The following PRDX5 variants were observed in gnomAD, a reference collection of about 807,000 sequenced individuals.
PRDX5 encodes peroxiredoxin 5.
Under a neutral mutation model 23.8 loss-of-function variants are expected in PRDX5, and 21 were observed. The observed-to-expected ratio is 0.88, with a 90% CI of 0.63 to 1.27. The LOEUF is 1.27. Ranked by LOEUF, PRDX5 falls within the 50% of genes most tolerant of loss-of-function variation. The pLI is 0.00. For missense variants in PRDX5, 261 were observed against 270.6 expected (o/e 0.96, Z 0.25); for synonymous variants, 111 against 113.3 (o/e 0.98, Z 0.13).
At chr11:64,319,262 G>C (rs1213775120) in intron 1 of PRDX5, among the ~76,000 whole-genome samples, 1 of 151,820 alleles carries the variant, frequency 6.6e-6, no homozygotes, top group Admixed American at 6.6e-5. Flanking sequence ...CTGGGTGTAG[G>C]GGCCTGGACA....
At chr11:64,321,171 G>C in intron 5 of PRDX5, 103 bp downstream of exon 5, 4 of 1,329,162 alleles carry the variant, frequency 3.0e-6, no homozygotes, top group East Asian at 4.6e-5. Context: ...AGAGTCGTCT[G>C]TGGGGGAGAG....
At chr11:64,320,819 A>G (rs137872769) in intron 3 of PRDX5, 27 bp downstream of exon 3, 1,604 of 1,614,232 alleles carry the variant, frequency 9.9e-4, no homozygotes, top group Non-Finnish European at 1.3e-3. Flanking sequence ...GCAGGGAGTC[A>G]GGACCAGGTA....
chr11:64,318,276 G>A lies in PRDX5; in HGVS notation c.61G>A (p.Ala21Thr), dbSNP rs144769220. ...RSAGYILVGGAGGQSAAAAAR... is the reference protein window; with the variant it reads ...RSAGYILVGGTGGQSAAAAAR... ...AGCGGGCTATATACTCGTCGGTGGG[G>A]CCGGCGGTCAGTCTGCGGCAGCGGC... Residue 21 changes from alanine to threonine, a missense_variant, in exon 1 of 6, where the codon GCC becomes ACC. By Grantham distance (58) the Ala-to-Thr change is moderately conservative. Coordinates refer to ENST00000265462, the MANE Select transcript of PRDX5 (RefSeq NM_012094.5). 1 of 1,612,344 alleles carries A rather than the reference G, an allele frequency of 6.2e-7. No individual in the cohort carries two copies. The highest frequency in any genetic ancestry group is 8.5e-7 in the Non-Finnish European group (1 of 1,179,910).
chr11:64,321,220 T>C (rs1165161348), intron 5 of PRDX5, 152 bp downstream of exon 5: 1 of 930,334 alleles, frequency 1.1e-6, no homozygotes, highest in African/African-American at 1.7e-5. Context: ...GAGAGTCCTG[T>C]GTGGGGAGAG....
rs767006109 is a variant in PRDX5 at position 64,320,927 on chromosome 11, A to G, written c.477+24A>G. Reference sequence around the variant, plus strand: ...AGGTGAGTGTTCCCCTGACCGCCACAGGGACATGGCAGTGCGGGGAGCAGT... The same window carrying G: ...AGGTGAGTGTTCCCCTGACCGCCACGGGGACATGGCAGTGCGGGGAGCAGT... On this transcript the variant is annotated intron_variant, in intron 4 of 5. Transcript: ENST00000265462. The G allele has an allele frequency of 1.8e-5, 29 of 1,613,892 alleles. No homozygotes were observed. The East Asian group carries it at 3.6e-4, about 20-fold the overall frequency.
chr11:64,321,207 G>A (rs1350549695), intron 5 of PRDX5, 139 bp downstream of exon 5: 6 of 1,052,812 alleles, frequency 5.7e-6, no homozygotes, highest in Non-Finnish European at 8.7e-6. Flanking sequence ...AGTCGTCTGT[G>A]GGGAGAGTCC....
At chr11:64,321,366 C>G (rs1396384538) in intron 5 of PRDX5, among the ~76,000 whole-genome samples, 1 of 147,040 alleles carries the variant, frequency 6.8e-6, no homozygotes, top group Non-Finnish European at 1.5e-5. Context: ...AGGGGAGAGT[C>G]CTCTGGGGAG....
Position 64,319,707 on chromosome 11 carries a change from C to G in PRDX5, c.172-27C>G, listed in dbSNP as rs746775037. 42 of 1,608,122 alleles carry G rather than the reference C, an allele frequency of 2.6e-5. No homozygotes were observed. In the South Asian group the frequency reaches 3.8e-4, roughly 14 times the overall value. ...CTGGTTTGCCCCGGCTCCCTCACCC[C>G]CCTTACCCTGGAGTCCTTCCTTCTA... On this transcript the variant is annotated intron_variant, in intron 1 of 5. Transcript: ENST00000265462.
In PRDX5 at chr11:64,321,760, C is replaced by G. The variant is rs893372413; in HGVS notation, c.*69C>G. 5.4e-6 allele frequency: 8 copies of G among 1,468,928 alleles called. No homozygotes were observed. The highest frequency in any genetic ancestry group is 7.3e-6 in the Non-Finnish European group (8 of 1,101,930). The allele number at this position is 1,468,928 out of a possible 1,614,324, so 91.0% of individuals were successfully genotyped here. ...TGCCCAGCCCTGTGCTGGGGCCCTGCAATTGGAATGTTGGCCAGATTTCTG... is the reference window on the plus strand; with the variant it reads ...TGCCCAGCCCTGTGCTGGGGCCCTGGAATTGGAATGTTGGCCAGATTTCTG... On this transcript the variant is annotated 3_prime_UTR_variant, in exon 6 of 6. Coordinates refer to ENST00000265462, the MANE Select transcript of PRDX5 (RefSeq NM_012094.5).
rs746351900 is a variant in PRDX5, at chr11:64,321,058, C to T, written c.529C>T (p.Arg177Cys). The T allele has an allele frequency of 7.4e-6, 12 of 1,613,584 alleles. No homozygotes were observed. Among genetic ancestry groups the T allele is most frequent in the South Asian group, 6.6e-5 (6 of 91,076 alleles). ...GCTGGTGTCCATCTTTGGGAATCGA[C>T]GTCTCAAGAGGTAAAAGTGGAGAGT... ...DSLVSIFGNR[R>C]LKRFSMVVQD... Residue 177 changes from arginine (R) to cysteine (C), a missense_variant, in exon 5 of 6, where the codon CGT (arginine) becomes TGT (cysteine). Coordinates refer to ENST00000265462, the MANE Select transcript of PRDX5 (RefSeq NM_012094.5).
chr11:64,319,444 G>A (rs1446681841), intron 1 of PRDX5, among the ~76,000 whole-genome samples: 1 of 152,104 alleles, frequency 6.6e-6, no homozygotes, highest in Non-Finnish European at 1.5e-5. Context: ...CTGTAACCTA[G>A]ACAGCATGTT....
In PRDX5 at chr11:64,319,999, G is replaced by C. The variant is rs189587981; in HGVS notation, c.306+131G>C. On this transcript the variant is annotated intron_variant, in intron 2 of 5. Transcript: ENST00000265462. ...CACAAAACAAGTAGAGCTGGGTAGA[G>C]CTGGGCGCGGTGGCTCACGCCTGTA... 2,825 of 1,344,678 alleles carry C rather than the reference G, an allele frequency of 2.1e-3. 11 individuals are homozygous for C. Among genetic ancestry groups the C allele is most frequent in the South Asian group, 6.4e-3 (431 of 67,512 alleles). The allele number at this position is 1,344,678 out of a possible 1,614,324, so 83.3% of individuals were successfully genotyped here. A position where few individuals can be genotyped will look rare whatever the true frequency, so the allele number is the denominator to read the frequency against.
chr11:64,319,672 C>G (rs1283395974), intron 1 of PRDX5, 62 bp from the exon 2 acceptor site: 11 of 1,555,934 alleles, frequency 7.1e-6, no homozygotes, highest in Non-Finnish European at 9.6e-6. Context: ...CTCTGTTCAC[C>G]TTCCTGCCTC....
chr11:64,319,770 G>A lies in PRDX5; in HGVS notation c.208G>A (p.Gly70Arg), dbSNP rs11551858. The A allele has an allele frequency of 6.2e-7, 1 of 1,614,124 alleles. No individual in the cohort carries two copies. The highest frequency in any genetic ancestry group is 1.1e-5 in the South Asian group (1 of 91,078). ...DAIPAVEVFE[G>R]EPGNKVNLAE... Reference sequence around the variant, plus strand: ...CATCCCAGCAGTGGAGGTGTTTGAAGGGGAGCCAGGGAACAAGGTGAACCT... The same window carrying A: ...CATCCCAGCAGTGGAGGTGTTTGAAAGGGAGCCAGGGAACAAGGTGAACCT... The change falls in exon 2 of 6, where the codon GGG becomes AGG. Residue 70 changes from glycine (G) to arginine (R), a missense_variant. Transcript: ENST00000265462.
intron 1 of PRDX5, among the ~76,000 whole-genome samples, chr11:64,319,500 T>A (rs143101634): frequency 7.9e-4 from 121 of 152,374 alleles, no homozygotes; most frequent in African/African-American, 2.9e-3. Context: ...TCCCTTTCTC[T>A]GTTGTCACCA....
chr11:64,318,236 C>T lies in PRDX5; in HGVS notation c.21C>T (p.Cys7=), dbSNP rs1219234719. 7.4e-6 allele frequency: 12 copies of T among 1,611,776 alleles called. No individual in the cohort carries two copies. The South Asian group carries it at 1.2e-4, about 16-fold the overall frequency. The change falls in exon 1 of 6, where the codon TGC becomes TGT. Residue 7 remains cysteine, a synonymous_variant. Transcript: ENST00000265462. MGLAGV[C]ALRRSAGYIL... is the part of the protein sequence containing the mutation. ...CGGGTATGGGACTAGCTGGCGTGTG[C>T]GCCCTGAGACGCTCAGCGGGCTATA...
intron 2 of PRDX5, among the ~76,000 whole-genome samples, chr11:64,320,260 A>AAGAGCG (rs1186742317): frequency 1.3e-5 from 2 of 152,144 alleles, no homozygotes; most frequent in South Asian, 2.1e-4. Flanking sequence ...GCCTGGGTGA[A>AAGAGCG]AGAGCGAGAC....
intron 4 of PRDX5, 37 bp downstream of exon 4, chr11:64,320,940 T>C (rs1426821660): frequency 3.7e-6 from 6 of 1,613,862 alleles, no homozygotes; most frequent in Non-Finnish European, 5.1e-6. Flanking sequence ...GACATGGCAG[T>C]GCGGGGAGCA....
rs1378004718 is a variant in PRDX5, at chr11:64,319,847, C to T, written c.285C>T (p.Ala95=). ...GTGTGCTGTTTGGAGTTCCTGGGGCCTTCACCCCTGGATGTTCCAAGGTGA... is the reference window on the plus strand; with the variant it reads ...GTGTGCTGTTTGGAGTTCCTGGGGCTTTCACCCCTGGATGTTCCAAGGTGA... ...KKGVLFGVPG[A]FTPGCSKTHL... The change falls in exon 2 of 6, where the codon GCC becomes GCT. Residue 95 remains alanine (A), a synonymous_variant. Transcript: ENST00000265462. 7 of 1,614,116 alleles carry T rather than the reference C, an allele frequency of 4.3e-6. No individual in the cohort carries two copies. The highest frequency in any genetic ancestry group is 5.9e-6 in the Non-Finnish European group (7 of 1,179,984).
Sources: allele counts gnomAD v4.1 joint callset (sites outside exome capture counted in the v4.1 genomes callset), GRCh38; gene constraint gnomAD v4.1.1; transcripts MANE v1.5; gene names NCBI Gene and HGNC (gene_info 2026-07-23, HGNC 2026-07-21).